Variants in KIF21B observed in about 807,000 individuals in gnomAD.
KIF21B encodes kinesin-like protein KIF21B.
In KIF21B, 85 loss-of-function variants were observed where a neutral mutation model predicts 192.9. The observed-to-expected ratio is 0.44, with a 90% CI of 0.37 to 0.53. The LOEUF (loss-of-function observed/expected upper bound fraction) is 0.53, where lower values mean the gene tolerates loss of function less well. KIF21B is among the 20% of genes least tolerant of loss of function. The probability of loss-of-function intolerance (pLI) is 0.00; values close to 1 mark genes in which losing one functional copy is unlikely to be tolerated. For missense variants in KIF21B, 1,716 were observed against 2,194.8 expected, an observed-to-expected ratio of 0.78 and a Z score of 4.36; for synonymous variants, 832 against 884.6, an observed-to-expected ratio of 0.94 and a Z score of 1.05.
rs1558009677 is a variant in KIF21B at position 200,992,265 on chromosome 1, C to T, written c.2385+17G>A. 2 of 1,608,168 alleles carry T rather than the reference C, an allele frequency of 1.2e-6. No homozygotes were observed. The highest frequency in any genetic ancestry group is 8.5e-7 in the Non-Finnish European group (1 of 1,178,792). ...TAGGGCCAAAGGCTCCTGGGAGGCT[C>T]AAGGGCCACCCCTCACCTCCTGTCG... On this transcript the variant is annotated intron_variant, in intron 16 of 34. Transcript: ENST00000461742.
chr1:201,019,588 C>T (rs1249166006), intron 1 of KIF21B, among the ~76,000 whole-genome samples: 1 of 152,162 alleles, frequency 6.6e-6, no homozygotes, highest in Non-Finnish European at 1.5e-5. Context: ...TTTTCAAAAG[C>T]TGAGATCCAA....
In KIF21B at chr1:200,990,504, G is replaced by A; in HGVS notation, c.2835+72C>T. 1.3e-6 allele frequency: 2 copies of A among 1,564,242 alleles called. No homozygotes were observed. The highest frequency in any genetic ancestry group is 1.7e-6 in the Non-Finnish European group (2 of 1,146,154). ...AGTGGGGCAGGGAAAGGTCTGAAGA[G>A]CCAGAGAAGTTGGAGGTGTCAGAGG... On this transcript the variant is annotated intron_variant, in intron 19 of 34. Coordinates refer to ENST00000461742, the MANE Select transcript of KIF21B (RefSeq NM_001252102.2). This position sits in a 1 kb window ranked among gnomAD's most constrained non-coding sequence, Gnocchi z 5.4.
rs1274327004 is a variant in KIF21B at position 201,014,164 on chromosome 1, CTGTTCACAAT to C, written c.42-4686_42-4677del. Among the ~76,000 whole-genome samples, 160 of 152,394 alleles carry C rather than the reference CTGTTCACAAT, an allele frequency of 1.0e-3. 1 individual carries two copies. The highest frequency in any genetic ancestry group is 3.8e-3 in the African/African-American group (158 of 41,602). ...AGGCAGCGAAGTTGCTGAGCTTCCT[CTGTTCACAAT>C]TGAGCAGGAGCGGGTGTGATGTGGG... On this transcript the variant is annotated intron_variant, in intron 1 of 34. Transcript: ENST00000461742.
intron 1 of KIF21B, among the ~76,000 whole-genome samples, 154 bp from the exon 2 acceptor site, chr1:201,009,642 T>C (rs1558026079): frequency 6.6e-6 from 1 of 152,258 alleles, no homozygotes; most frequent in Non-Finnish European, 1.5e-5. Flanking sequence ...GGGCAACTTT[T>C]GTAATACAAT....
rs1285290781 is a variant in KIF21B, at chr1:201,023,485, G to T, written c.-102C>A. On this transcript the variant is annotated 5_prime_UTR_variant, in exon 1 of 35. Coordinates refer to ENST00000461742, the MANE Select transcript of KIF21B (RefSeq NM_001252102.2). The surrounding 1 kb of genome is among the most constrained non-coding windows in gnomAD (Gnocchi z 5.9). ...CTGCGGGAGGCGGGGGCGCGGGCGC[G>T]GCTGGCGGAGGCTGCGGCGGCGGCG... 3.8e-6 allele frequency: 3 copies of T among 791,824 alleles called. No homozygotes were observed. The highest frequency in any genetic ancestry group is 5.1e-6 in the Non-Finnish European group (3 of 592,294). The allele number at this position is 791,824 out of a possible 1,614,324, so 49.0% of individuals were successfully genotyped here.
Position 200,990,787 on chromosome 1 carries a change from C to A in KIF21B, c.2688-64G>T. 1.3e-6 allele frequency: 2 copies of A among 1,598,308 alleles called. No individual in the cohort carries two copies. The highest frequency in any genetic ancestry group is 1.7e-6 in the Non-Finnish European group (2 of 1,168,384). On this transcript the variant is annotated intron_variant, in intron 18 of 34. Transcript: ENST00000461742. This position sits in a 1 kb window ranked among gnomAD's most constrained non-coding sequence, Gnocchi z 5.4. ...TTTAACCTCTGCAGCTCCACTGAGC[C>A]CCCATCTGGAGCTGACAGCCACGGG... is the stretch of plus-strand genomic sequence containing the variant.
In KIF21B at chr1:200,990,849, C is replaced by T. The variant is rs1656637924; in HGVS notation, c.2687+68G>A. ...CTCCCCAGAGCTTCCCTCTTCCTCA[C>T]CCTGGCCCTGCCCCATATTCCCACC... is the stretch of plus-strand genomic sequence containing the variant. On this transcript the variant is annotated intron_variant, in intron 18 of 34. Transcript: ENST00000461742. This position sits in a 1 kb window ranked among gnomAD's most constrained non-coding sequence, Gnocchi z 5.4. 1.9e-6 allele frequency: 3 copies of T among 1,602,490 alleles called. No homozygotes were observed. The highest frequency in any genetic ancestry group is 2.6e-6 in the Non-Finnish European group (3 of 1,170,994).
chr1:201,005,489 G>A, intron 4 of KIF21B, 47 bp from the exon 5 acceptor site: 1 of 1,596,170 alleles, frequency 6.3e-7, no homozygotes, highest in Non-Finnish European at 8.6e-7. Context: ...CGTGGTGCCA[G>A]CCCCTGCCCT....
chr1:200,985,821 C>T (rs1429480817), intron 26 of KIF21B, among the ~76,000 whole-genome samples: 4 of 79,248 alleles, frequency 5.0e-5, no homozygotes, highest in Non-Finnish European at 1.0e-4. Flanking sequence ...CTTCCTTTCC[C>T]TTCCCTTCCC....
chr1:200,977,723 A>G (rs1253260421), intron 30 of KIF21B, among the ~76,000 whole-genome samples: 6 of 146,232 alleles, frequency 4.1e-5, no homozygotes, highest in African/African-American at 1.0e-4. Context: ...GATTATATCC[A>G]TTCTGTTTAC....
intron 34 of KIF21B, chr1:200,974,248 G>C: frequency 6.6e-7 from 1 of 1,508,138 alleles, no homozygotes; most frequent in Non-Finnish European, 8.9e-7. Context: ...AGATGGGAAG[G>C]GGAGGGGAGA....
In KIF21B at chr1:200,993,936, A is replaced by G. The variant is rs142199914; in HGVS notation, c.2278-1547T>C. On this transcript the variant is annotated intron_variant, in intron 15 of 34. Transcript: ENST00000461742. ...TGCTGCTGGGGCTTTGGGGTCCAGA[A>G]TGAGTGTTCTCCCAAAGGACTGGAA... Among the ~76,000 whole-genome samples, 141 of 147,192 alleles carry G rather than the reference A, an allele frequency of 9.6e-4. 1 individual carries two copies. Among genetic ancestry groups the G allele is most frequent in the African/African-American group, 3.4e-3 (136 of 39,644 alleles).
chr1:200,998,367 C>G lies in KIF21B; in HGVS notation c.2077+17G>C. 6.2e-7 allele frequency: 1 copy of G among 1,602,438 alleles called. No individual in the cohort carries two copies. The highest frequency in any genetic ancestry group is 8.5e-7 in the Non-Finnish European group (1 of 1,173,238). On this transcript the variant is annotated intron_variant, in intron 14 of 34. Coordinates refer to ENST00000461742, the MANE Select transcript of KIF21B (RefSeq NM_001252102.2). This position sits in a 1 kb window ranked among gnomAD's most constrained non-coding sequence, Gnocchi z 4.3. ...GGAGGGTCCGGATGGGGTGGAGGGG[C>G]ATGGCGGTGGCCTCACTGAGGTTCT... is the stretch of plus-strand genomic sequence containing the variant.
intron 27 of KIF21B, among the ~76,000 whole-genome samples, chr1:200,984,129 C>T (rs912929939): frequency 1.3e-5 from 2 of 152,114 alleles, no homozygotes; most frequent in East Asian, 3.9e-4. Context: ...TAGGGTCCTC[C>T]CCTTTCCTGA....
At chr1:200,983,679 A>G (rs1034287437) in intron 27 of KIF21B, among the ~76,000 whole-genome samples, 5 of 152,172 alleles carry the variant, frequency 3.3e-5, no homozygotes, top group African/African-American at 9.7e-5. Flanking sequence ...CCTCCAGAAG[A>G]CCATCAGGCT....
At position 200,998,549 on chromosome 1, in the gene KIF21B, C is replaced by T. The variant is rs759573082; in HGVS notation, c.1912G>A (p.Asp638Asn). Residue 638 changes from aspartate (D) to asparagine (N), a missense_variant, in exon 14 of 35, where the codon GAC (aspartate) becomes AAC (asparagine). Asp to Asn is a conservative substitution (Grantham distance 23). Around this residue, in one of 3 missense-constraint regions of KIF21B, gnomAD observed 1,087 missense variants for 1,316.6 expected, o/e 0.83. Coordinates refer to ENST00000461742, the MANE Select transcript of KIF21B (RefSeq NM_001252102.2). This position sits in a 1 kb window ranked among gnomAD's most constrained non-coding sequence, Gnocchi z 4.3. ...KEVNFQADLA[D>N]LTCEIEIKQK... Reference sequence around the variant, plus strand: ...TTGATTTCGATCTCACAAGTCAGGTCGGCCAGGTCCGCCTGGAAGTTCACC... The same window carrying T: ...TTGATTTCGATCTCACAAGTCAGGTTGGCCAGGTCCGCCTGGAAGTTCACC... 31 of 1,613,586 alleles carry T rather than the reference C, an allele frequency of 1.9e-5. No homozygotes were observed. The highest frequency in any genetic ancestry group is 5.0e-5 in the Admixed American group (3 of 59,992).
rs1655185738 is a variant in KIF21B at position 200,971,048 on chromosome 1, C to T, written c.*2473G>A. 1 of 152,912 alleles carries T rather than the reference C, an allele frequency of 6.5e-6. No homozygotes were observed. Among genetic ancestry groups the T allele is most frequent in the African/African-American group, 2.4e-5 (1 of 41,480 alleles). The allele number at this position is 152,912 out of a possible 1,614,324, so 9.5% of individuals were successfully genotyped here. ...CCGGGCCTGGGCCTGTCAAGTCTGC[C>T]TGCGGGACCCTGCCATTGTGCTCAA... On this transcript the variant is annotated 3_prime_UTR_variant, in exon 35 of 35. Transcript: ENST00000461742.
Position 200,975,042 on chromosome 1 carries a change from G to C in KIF21B, c.4615-129C>G, listed in dbSNP as rs1655452962. 1 of 870,720 alleles carries C rather than the reference G, an allele frequency of 1.1e-6. No homozygotes were observed. The highest frequency in any genetic ancestry group is 1.8e-6 in the Non-Finnish European group (1 of 562,626). The allele number at this position is 870,720 out of a possible 1,614,324, so 53.9% of individuals were successfully genotyped here. A position where few individuals can be genotyped will look rare whatever the true frequency, so the allele number is the denominator to read the frequency against. ...GGCCTCTAGAGCTGCCACACGGGCGGGTGACACTGGTTCCAGGAGCCATGC... is the reference window on the plus strand; with the variant it reads ...GGCCTCTAGAGCTGCCACACGGGCGCGTGACACTGGTTCCAGGAGCCATGC... On this transcript the variant is annotated intron_variant, in intron 33 of 34. Transcript: ENST00000461742. The surrounding 1 kb of genome is among the most constrained non-coding windows in gnomAD (Gnocchi z 4.3).
intron 1 of KIF21B, among the ~76,000 whole-genome samples, chr1:201,010,928 G>A (rs1229781203): frequency 2.6e-5 from 4 of 152,362 alleles, no homozygotes; most frequent in African/African-American, 7.2e-5. Flanking sequence ...GGAGGGGTTG[G>A]GGGTGAGCAA....
Sources: gnomAD v4.1 joint callset for allele counts (sites outside exome capture counted in the v4.1 genomes callset) on GRCh38, gnomAD v4.1.1 for gene constraint, gnomAD v4.1.1 regional missense constraint, Gnocchi (gnomAD v3.1) non-coding constraint, MANE v1.5 for transcripts, NCBI Gene and HGNC (gene_info 2026-07-23, HGNC 2026-07-21) for gene names.